SLC34A2: variants seen among roughly 807,000 people sequenced by gnomAD.
SLC34A2 encodes sodium-dependent phosphate transport protein 2B.
In SLC34A2, 41 loss-of-function variants were observed where a neutral mutation model predicts 50.8. The ratio of observed to expected loss-of-function variants is 0.81; its 90% CI spans 0.63 to 1.05. The LOEUF is 1.05. Among genes scored for constraint, SLC34A2 ranks in the 50% least tolerant of loss-of-function variants. The probability of loss-of-function intolerance (pLI) is 0.00; values close to 1 mark genes in which losing one functional copy is unlikely to be tolerated. For synonymous variants in SLC34A2, 401 were observed against 364.2 expected, an observed-to-expected ratio of 1.10 and a Z score of -1.15; for missense variants, 879 against 876.7, an observed-to-expected ratio of 1.00 and a Z score of -0.03.
At chr4:25,673,884 T>C (rs1703848627) in intron 10 of SLC34A2, among the ~76,000 whole-genome samples, 1 of 152,168 alleles carries the variant, frequency 6.6e-6, no homozygotes, top group South Asian at 2.1e-4. Context: ...GAGGACTCAG[T>C]TGGCAGGCAT....
chr4:25,675,525 G>A (rs905481701), intron 12 of SLC34A2, among the ~76,000 whole-genome samples: 12 of 152,290 alleles, frequency 7.9e-5, no homozygotes, highest in Middle Eastern at 3.4e-3. Flanking sequence ...TAAATTAACC[G>A]CATATGTCAT....
Position 25,662,452 on chromosome 4 carries a change from G to T in SLC34A2, c.-3-46G>T, listed in dbSNP as rs1039106988. 9 of 1,528,570 alleles carry T rather than the reference G, an allele frequency of 5.9e-6. No homozygotes were observed. The African/African-American group carries it at 9.6e-5, about 16-fold the overall frequency. 94.7% of individuals were successfully genotyped at this position (1,528,570 alleles called of 1,614,324 possible). On this transcript the variant is annotated intron_variant, in intron 1 of 12. Transcript: ENST00000382051. ...TCTTCCTCTTATAGCATCTCGGTGT[G>T]CCTCCTTTCCATGACTGCTGCTTTA...
intron 8 of SLC34A2, 127 bp from the exon 9 acceptor site, chr4:25,671,474 G>A: frequency 1.8e-6 from 2 of 1,104,460 alleles, no homozygotes; most frequent in Non-Finnish European, 2.8e-6. Flanking sequence ...GAAAAGAACT[G>A]TTCTGTTGGG....
intron 8 of SLC34A2, 63 bp from the exon 9 acceptor site, chr4:25,671,538 C>T: frequency 4.3e-6 from 7 of 1,612,298 alleles, no homozygotes; most frequent in South Asian, 2.2e-5. Context: ...CCCACCCCCG[C>T]CATTGCCTCC....
chr4:25,674,323 CTGGCT>C lies in SLC34A2; in HGVS notation c.1245_1249del (p.Gly416ProfsTer35). On this transcript the variant is annotated frameshift_variant, in exon 11 of 13. Transcript: ENST00000382051. LOFTEE classifies it high-confidence loss of function. The stretch of plus-strand genomic sequence containing the variant: ...TTCCCCTTTCCCTTTGCATGGTTGA[CTGGCT>C]ACCTGGCCATCCTCGTCGGGGCAGG... The C allele has an allele frequency of 2.5e-6, 4 of 1,614,164 alleles. No homozygotes were observed. The highest frequency in any genetic ancestry group is 3.4e-6 in the Non-Finnish European group (4 of 1,180,010).
chr4:25,663,118 G>A (rs1326171115), intron 3 of SLC34A2, among the ~76,000 whole-genome samples: 1 of 152,040 alleles, frequency 6.6e-6, no homozygotes, highest in African/African-American at 2.4e-5. Context: ...GGGATTACAG[G>A]CTAATTTTTG....
chr4:25,666,022 C>T (rs1714477850), intron 4 of SLC34A2, 106 bp from the exon 5 acceptor site: 4 of 1,440,996 alleles, frequency 2.8e-6, no homozygotes, highest in Non-Finnish European at 3.9e-6. Flanking sequence ...GACTCTGCAA[C>T]CCACAGCCAG....
rs1254819540 is a variant in SLC34A2, at chr4:25,673,112, C to T, written c.1074C>T (p.His358=). 1.9e-6 allele frequency: 3 copies of T among 1,614,058 alleles called. No homozygotes were observed. The highest frequency in any genetic ancestry group is 2.5e-6 in the Non-Finnish European group (3 of 1,180,052). ...GCCAGCATATCTTTGTGAATTTCCA[C>T]CTCCCGGATCTTGCTGTGGGCACCA... ...AKCQHIFVNF[H]LPDLAVGTIL... The change falls in exon 10 of 13, where the codon CAC becomes CAT. Residue 358 remains histidine, a synonymous_variant. Coordinates refer to ENST00000382051, the MANE Select transcript of SLC34A2 (RefSeq NM_006424.3).
intron 1 of SLC34A2, among the ~76,000 whole-genome samples, chr4:25,656,107 C>A (rs1713866564): frequency 1.3e-5 from 2 of 152,198 alleles, no homozygotes; most frequent in Admixed American, 1.3e-4. Flanking sequence ...TACACTCTTA[C>A]GATCGACAGT....
intron 5 of SLC34A2, 108 bp downstream of exon 5, chr4:25,666,379 C>T (rs1430955687): frequency 3.9e-6 from 5 of 1,273,708 alleles, no homozygotes; most frequent in Non-Finnish European, 5.5e-6. Context: ...CAGGCCTTGC[C>T]ACCATTGTCT....
At position 25,662,783 on chromosome 4, in the gene SLC34A2, C is replaced by T. The variant is rs1313217429; in HGVS notation, c.191C>T (p.Thr64Ile). 1 of 1,614,086 alleles carries T rather than the reference C, an allele frequency of 6.2e-7. No homozygotes were observed. Among genetic ancestry groups the T allele is most frequent in the Non-Finnish European group, 8.5e-7 (1 of 1,180,022 alleles). ...YSTATLIDEP[T>I]EVDDPWNLPT... is the part of the protein sequence containing the mutation. ...ACGGCTACACTGATAGATGAGCCCA[C>T]TGAGGTGGATGACCCCTGGAACCTA... The change falls in exon 3 of 13, where the codon ACT becomes ATT. Residue 64 changes from threonine to isoleucine, a missense_variant. By Grantham distance (89) the Thr-to-Ile change is moderately conservative. Transcript: ENST00000382051.
At chr4:25,663,472 C>T (rs1219252976) in intron 3 of SLC34A2, among the ~76,000 whole-genome samples, 1 of 152,152 alleles carries the variant, frequency 6.6e-6, no homozygotes, top group African/African-American at 2.4e-5. Context: ...TCAGAGGGGT[C>T]CCCTCACCAA....
intron 5 of SLC34A2, 62 bp downstream of exon 5, chr4:25,666,333 G>T: frequency 6.3e-7 from 1 of 1,583,820 alleles, no homozygotes; most frequent in Non-Finnish European, 8.6e-7. Flanking sequence ...ATCTGAGGGT[G>T]GGAAGGACGG....
Position 25,662,803 on chromosome 4 carries a change from A to G in SLC34A2, c.211A>G (p.Asn71Asp), listed in dbSNP as rs889583762. ...GCCCACTGAGGTGGATGACCCCTGG[A>G]ACCTACCCACTCTTCAGGACTCGGG... is the stretch of plus-strand genomic sequence containing the variant. ...DEPTEVDDPW[N>D]LPTLQDSGIK... The change falls in exon 3 of 13, where the codon AAC (asparagine) becomes GAC (aspartate). Residue 71 changes from asparagine (N) to aspartate (D), a missense_variant. Physicochemically the swap from Asn to Asp is conservative, Grantham distance 23. Coordinates refer to ENST00000382051, the MANE Select transcript of SLC34A2 (RefSeq NM_006424.3). 1.2e-6 allele frequency: 2 copies of G among 1,614,004 alleles called. No individual in the cohort carries two copies. Among genetic ancestry groups the G allele is most frequent in the Non-Finnish European group, 1.7e-6 (2 of 1,179,990 alleles).
rs763322403 is a variant in SLC34A2, at chr4:25,662,621, C to A, written c.112+9C>A. ...CAAAGAGACCAACAAAAGTAAGTGT[C>A]GCTCGTTTGTCTGCAGATCGGCCTT... On this transcript the variant is annotated intron_variant, in intron 2 of 12. Transcript: ENST00000382051. 1 of 1,614,054 alleles carries A rather than the reference C, an allele frequency of 6.2e-7. No homozygotes were observed. Among genetic ancestry groups the A allele is most frequent in the Non-Finnish European group, 8.5e-7 (1 of 1,179,982 alleles).
chr4:25,667,880 T>G lies in SLC34A2; in HGVS notation c.524T>G (p.Leu175Trp). Residue 175 changes from leucine to tryptophan, a missense_variant and splice_region_variant, in exon 6 of 13, where the codon TTG becomes TGG. By Grantham distance (61) the Leu-to-Trp change is moderately conservative (BLOSUM62 -2). Coordinates refer to ENST00000382051, the MANE Select transcript of SLC34A2 (RefSeq NM_006424.3). ...SIVVSMVSSS[L>W]LTVRAAIPII... ...CTAATGGTACTTTTCCATCCTCTAG[T>G]GCTCACTGTTCGGGCTGCCATCCCC... 1 of 1,606,376 alleles carries G rather than the reference T, an allele frequency of 6.2e-7. No homozygotes were observed. The highest frequency in any genetic ancestry group is 8.5e-7 in the Non-Finnish European group (1 of 1,172,946).
Position 25,677,094 on chromosome 4 carries a change from GA to G in SLC34A2, c.*349del. The G allele has an allele frequency of 3.2e-6, 1 of 309,144 alleles. No homozygotes were observed. The highest frequency in any genetic ancestry group is 6.1e-6 in the Non-Finnish European group (1 of 162,744). 19.2% of individuals were successfully genotyped at this position (309,144 alleles called of 1,614,324 possible). On this transcript the variant is annotated 3_prime_UTR_variant, in exon 13 of 13. Coordinates refer to ENST00000382051, the MANE Select transcript of SLC34A2 (RefSeq NM_006424.3). ...CAGACTCAAAAACCATCTTCAGAAA[GA>G]AAAGGCCCAGGGAAGGAATGTATGA...
intron 10 of SLC34A2, 44 bp from the exon 11 acceptor site, chr4:25,674,252 C>A (rs746445931): frequency 6.6e-7 from 1 of 1,518,412 alleles, no homozygotes; most frequent in Non-Finnish European, 9.1e-7. Flanking sequence ...CCAGGCCATA[C>A]CTTCCCCGGA....
At chr4:25,675,690 A>G (rs1412529044) in intron 12 of SLC34A2, among the ~76,000 whole-genome samples, 1 of 152,242 alleles carries the variant, frequency 6.6e-6, no homozygotes, top group African/African-American at 2.4e-5. Flanking sequence ...CTTAAAGCAC[A>G]TCTCAGTGTG....
Sources: gnomAD v4.1 joint callset for allele counts (sites outside exome capture counted in the v4.1 genomes callset) on GRCh38, gnomAD v4.1.1 for gene constraint, MANE v1.5 for transcripts, NCBI Gene and HGNC (gene_info 2026-07-23, HGNC 2026-07-21) for gene names.